WDR35: variants seen among roughly 807,000 people sequenced by gnomAD.
WDR35 encodes the protein WD repeat-containing protein 35.
In WDR35, 118 loss-of-function variants were observed where a neutral mutation model predicts 158.3. The observed-to-expected ratio is 0.75, with a 90% CI of 0.64 to 0.87. The LOEUF is 0.87. WDR35 is among the 40% of genes least tolerant of loss of function. The pLI, the probability that WDR35 is intolerant of heterozygous loss-of-function variation, is 0.00. For missense variants in WDR35, 1,263 were observed against 1,405.8 expected, an observed-to-expected ratio of 0.90 and a Z score of 1.62; for synonymous variants, 448 against 476.1, an observed-to-expected ratio of 0.94 and a Z score of 0.77.
At chr2:19,939,026 C>G (rs1187767408) in intron 17 of WDR35, among the ~76,000 whole-genome samples, 1 of 152,120 alleles carries the variant, frequency 6.6e-6, no homozygotes, top group African/African-American at 2.4e-5. Flanking sequence ...AAAAACTTCA[C>G]AAAATTCAAT....
At chr2:19,956,998 A>C (rs554026434) in intron 11 of WDR35, among the ~76,000 whole-genome samples, 30 of 152,300 alleles carry the variant, frequency 2.0e-4, no homozygotes, top group African/African-American at 7.2e-4. Context: ...ACACATATTA[A>C]CTCACAACTT....
intron 5 of WDR35, among the ~76,000 whole-genome samples, chr2:19,976,376 C>A (rs1672211506): frequency 6.6e-6 from 1 of 152,162 alleles, no homozygotes; most frequent in Admixed American, 6.5e-5. Flanking sequence ...CAACCCTTAA[C>A]CCCTCCCAAT....
At chr2:19,976,784 C>T (rs750570673) in intron 5 of WDR35, among the ~76,000 whole-genome samples, 4 of 149,800 alleles carry the variant, frequency 2.7e-5, no homozygotes, top group Non-Finnish European at 4.4e-5. Flanking sequence ...TTATATTTCT[C>T]GACATCCTTC....
In WDR35 at chr2:19,911,009, T is replaced by C. The variant is rs1400416433; in HGVS notation, c.*2549A>G. On this transcript the variant is annotated 3_prime_UTR_variant, in exon 27 of 27. Transcript: ENST00000281405. ...GGTTGTTTTTAGAGATACTGGTTTC[T>C]GGATCCAACTGAATGAGAAATATCA... is the stretch of plus-strand genomic sequence containing the variant. 2 of 152,224 alleles carry C rather than the reference T, an allele frequency of 1.3e-5. No individual in the cohort carries two copies. The highest frequency in any genetic ancestry group is 4.1e-4 in the South Asian group (2 of 4,834). 9.4% of individuals were successfully genotyped at this position (152,224 alleles called of 1,614,324 possible).
rs781732789 is a variant in WDR35 at position 19,945,848 on chromosome 2, G to C, written c.1783C>G (p.Pro595Ala). 6.2e-7 allele frequency: 1 copy of C among 1,613,826 alleles called. No homozygotes were observed. ...TTCTCCATCATTGCAAACAAATCAG[G>C]ATTATCTTTGGCCCACTTCATATCC... The part of the protein sequence containing the change: ...VWDMKWAKDN[P>A]DLFAMMEKTR... Residue 595 changes from proline (P) to alanine (A), a missense_variant, in exon 16 of 27, where the codon CCT (proline) becomes GCT (alanine). By Grantham distance (27) the Pro-to-Ala change is conservative (BLOSUM62 -1). Transcript: ENST00000281405.
intron 20 of WDR35, 139 bp from the exon 21 acceptor site, chr2:19,935,742 T>G: frequency 9.7e-7 from 1 of 1,034,186 alleles, no homozygotes; most frequent in Middle Eastern, 2.8e-4. Context: ...AGAATAACTT[T>G]CAAACATATA....
At chr2:19,982,567 A>G in intron 2 of WDR35, 33 bp from the exon 3 acceptor site, 16 of 1,605,160 alleles carry the variant, frequency 1.0e-5, no homozygotes, top group Non-Finnish European at 1.4e-5. Context: ...ACTATGATAA[A>G]TATGTAAAAG....
rs1456255594 is a variant in WDR35 at position 19,941,836 on chromosome 2, G to A, written c.1849C>T (p.Pro617Ser). 1 of 1,567,822 alleles carries A rather than the reference G, an allele frequency of 6.4e-7. No individual in the cohort carries two copies. The highest frequency in any genetic ancestry group is 1.8e-5 in the Admixed American group (1 of 56,954). The stretch of plus-strand genomic sequence containing the variant: ...CAAATATATCCAGAGGTCTGAATGG[G>A]TTCCTTTAAAGACAAAAAAAAAGTT... ...YVFRNLDPEE[P>S]IQTSGYICNF... Residue 617 changes from proline to serine, a missense_variant, in exon 17 of 27, where the codon CCC becomes TCC. Transcript: ENST00000281405.
Position 19,934,054 on chromosome 2 carries a change from C to CACA in WDR35, c.2548-544_2548-543insTGT, listed in dbSNP as rs1670613795. Among the ~76,000 whole-genome samples, 2 of 149,940 alleles carry CACA rather than the reference C, an allele frequency of 1.3e-5. No homozygotes were observed. Among genetic ancestry groups the CACA allele is most frequent in the South Asian group, 2.1e-4 (1 of 4,718 alleles). Reference sequence around the variant, plus strand: ...CCACCACCACCACCACCACCACCACCACCACCACCACCACCACCACAAAAA... The same window carrying CACA: ...CCACCACCACCACCACCACCACCACCACAACCACCACCACCACCACCACAAAAA... On this transcript the variant is annotated intron_variant, in intron 21 of 26. Coordinates refer to ENST00000281405, the MANE Select transcript of WDR35 (RefSeq NM_020779.4). This position sits in a 1 kb window ranked among gnomAD's most constrained non-coding sequence, Gnocchi z 4.6.
chr2:19,987,734 G>A (rs1672613539), intron 2 of WDR35, among the ~76,000 whole-genome samples: 1 of 144,102 alleles, frequency 6.9e-6, no homozygotes. Flanking sequence ...TGAGGTAGGA[G>A]AATGGCATGA....
At chr2:19,942,715 TAAGTA>T in intron 16 of WDR35, among the ~76,000 whole-genome samples, 2 of 152,264 alleles carry the variant, frequency 1.3e-5, no homozygotes, top group South Asian at 4.1e-4. Context: ...TATTAATGCA[TAAGTA>T]AATACATTTA....
chr2:19,933,244 A>G (rs550748837), intron 22 of WDR35, among the ~76,000 whole-genome samples, 157 bp downstream of exon 22: 1 of 152,330 alleles, frequency 6.6e-6, no homozygotes, highest in South Asian at 2.1e-4. Flanking sequence ...CAATTAAGAG[A>G]ATACCCGCCT....
At chr2:19,937,166 G>C (rs761297897) in intron 19 of WDR35, among the ~76,000 whole-genome samples, 2 of 152,164 alleles carry the variant, frequency 1.3e-5, no homozygotes, top group Non-Finnish European at 2.9e-5. Context: ...AGTTCAGACA[G>C]ACTCTCCGCC....
intron 7 of WDR35, among the ~76,000 whole-genome samples, chr2:19,974,228 GT>G (rs951284605): frequency 2.0e-5 from 3 of 152,080 alleles, no homozygotes; most frequent in African/African-American, 7.2e-5. Flanking sequence ...GGCTAACAGG[GT>G]GAAACCCCGT....
At chr2:19,968,683 A>G (rs1414829200) in intron 9 of WDR35, among the ~76,000 whole-genome samples, 1 of 152,204 alleles carries the variant, frequency 6.6e-6, no homozygotes, top group African/African-American at 2.4e-5. Context: ...CCCTAGTCCT[A>G]GAATCAGCCA....
intron 3 of WDR35, among the ~76,000 whole-genome samples, chr2:19,981,293 T>C (rs1419569982): frequency 1.3e-5 from 2 of 152,220 alleles, no homozygotes; most frequent in African/African-American, 2.4e-5. Context: ...AATTTTTTAA[T>C]CCCTAAATAC....
intron 17 of WDR35, among the ~76,000 whole-genome samples, chr2:19,939,782 T>C (rs888315111): frequency 6.6e-6 from 1 of 152,126 alleles, no homozygotes; most frequent in Admixed American, 6.5e-5. Flanking sequence ...AGCAGTAAAG[T>C]ATTCATTTTT....
At position 19,966,856 on chromosome 2, in the gene WDR35, T is replaced by A; in HGVS notation, c.1062A>T (p.Pro354=). The A allele has an allele frequency of 6.2e-7, 1 of 1,614,016 alleles. No individual in the cohort carries two copies. Among genetic ancestry groups the A allele is most frequent in the East Asian group, 2.2e-5 (1 of 44,848 alleles). Residue 354 remains proline, a synonymous_variant, in exon 10 of 27, where the codon CCA becomes CCT. Transcript: ENST00000281405. The part of the protein sequence containing the change: ...VVYAYTRPDR[P]EYCVVFWDTK... ...TATCCCAGAAGACAACACAATATTC[T>A]GGACGATCAGGTCTGGTATATGCAT... is the stretch of plus-strand genomic sequence containing the variant.
chr2:19,953,688 A>G (rs1351749842), intron 12 of WDR35, 146 bp downstream of exon 12: 6 of 1,084,750 alleles, frequency 5.5e-6, no homozygotes, highest in African/African-American at 1.6e-5. Context: ...TTAAACACAT[A>G]AATTTTAAAG....
Sources: allele counts gnomAD v4.1 joint callset (sites outside exome capture counted in the v4.1 genomes callset), GRCh38; gene constraint gnomAD v4.1.1; non-coding constraint Gnocchi (gnomAD v3.1); transcripts MANE v1.5; gene names NCBI Gene and HGNC (gene_info 2026-07-23, HGNC 2026-07-21).